TNR: variants seen among roughly 807,000 people sequenced by gnomAD.
TNR encodes the protein tenascin-R.
In TNR, 45 loss-of-function variants were observed where a neutral mutation model predicts 150.4. The observed-to-expected ratio is 0.30, with a 90% CI of 0.24 to 0.38. The LOEUF (loss-of-function observed/expected upper bound fraction) is 0.38. TNR is among the 10% of genes least tolerant of loss of function. TNR has a pLI of 1.00. For synonymous variants in TNR, 687 were observed against 678.4 expected, an observed-to-expected ratio of 1.01 and a Z score of -0.20; for missense variants, 1,544 against 1,759.1, an observed-to-expected ratio of 0.88 and a Z score of 2.19.
intron 2 of TNR, among the ~76,000 whole-genome samples, chr1:175,435,854 A>G (rs1655485356): frequency 6.6e-6 from 1 of 152,068 alleles, no homozygotes; most frequent in African/African-American, 2.4e-5. Context: ...ATCTCTGAGC[A>G]TTTGCTTGTC....
intron 1 of TNR, among the ~76,000 whole-genome samples, chr1:175,662,843 G>A (rs900271753): frequency 3.9e-5 from 6 of 152,178 alleles, no homozygotes; most frequent in African/African-American, 1.2e-4. Context: ...TGTTTGGGGT[G>A]GAGGTCATGT....
chr1:175,549,894 C>T lies in TNR; in HGVS notation c.-164-21525G>A, dbSNP rs535416594. 5.9e-5 allele frequency among the ~76,000 whole-genome samples: 9 copies of T among 152,316 alleles called. No homozygotes were observed. In the South Asian group the frequency reaches 1.9e-3, roughly 32 times the overall value. ...CATGATCCCAGTCTGAGAACCTGAG[C>T]TAAGTACCCAGCTAAAACACCCTGG... On this transcript the variant is annotated intron_variant, in intron 1 of 22. Coordinates refer to ENST00000367674, the MANE Select transcript of TNR (RefSeq NM_003285.3).
intron 2 of TNR, among the ~76,000 whole-genome samples, chr1:175,418,525 C>T (rs1654608759): frequency 6.6e-6 from 1 of 152,128 alleles, no homozygotes; most frequent in Admixed American, 6.5e-5. Context: ...AGATTGAGAC[C>T]ATTCTGGCCA....
rs552145868 is a variant in TNR at position 175,533,777 on chromosome 1, T to C, written c.-164-5408A>G. On this transcript the variant is annotated intron_variant, in intron 1 of 22. Coordinates refer to ENST00000367674, the MANE Select transcript of TNR (RefSeq NM_003285.3). ...AAATGAACAGGCTGCCCTTTCCACA[T>C]TGTTTTATTAAAAATATTTTGAAAT... Among the ~76,000 whole-genome samples the C allele has an allele frequency of 2.6e-5, 4 of 152,282 alleles. No homozygotes were observed. The East Asian group carries it at 7.7e-4, about 29-fold the overall frequency.
chr1:175,676,188 C>T (rs1447342246), intron 1 of TNR, among the ~76,000 whole-genome samples: 3 of 152,110 alleles, frequency 2.0e-5, no homozygotes, highest in Non-Finnish European at 4.4e-5. Flanking sequence ...TTTCCAGGCA[C>T]TTGATATCTC....
chr1:175,333,623 T>C (rs115719312), intron 20 of TNR, among the ~76,000 whole-genome samples: 2,696 of 152,336 alleles, frequency 0.018, 45 homozygotes, highest in Non-Finnish European at 0.028. Flanking sequence ...AGGTACCTAC[T>C]ATCTCTCAGG....
At chr1:175,445,497 A>G (rs1412748913) in intron 2 of TNR, among the ~76,000 whole-genome samples, 1 of 152,216 alleles carries the variant, frequency 6.6e-6, no homozygotes, top group African/African-American at 2.4e-5. Context: ...AATTCAACAC[A>G]AAAAGTGTTG....
chr1:175,688,285 G>T (rs1232994881), intron 1 of TNR, among the ~76,000 whole-genome samples: 2 of 152,182 alleles, frequency 1.3e-5, no homozygotes, highest in Non-Finnish European at 2.9e-5. Context: ...TTCTCATTAG[G>T]GTTGCAGACT....
chr1:175,379,495 G>C, intron 9 of TNR, 57 bp downstream of exon 9: 1 of 1,508,130 alleles, frequency 6.6e-7, no homozygotes, highest in Non-Finnish European at 9.1e-7. Flanking sequence ...TGGGGAGACA[G>C]CTGTGAGGGT....
chr1:175,345,599 C>T (rs891931958), intron 18 of TNR, among the ~76,000 whole-genome samples: 1 of 151,924 alleles, frequency 6.6e-6, no homozygotes, highest in Admixed American at 6.6e-5. Context: ...AAAGAGTAAG[C>T]AAGTGAGTTG....
At chr1:175,655,319 T>G (rs1665138603) in intron 1 of TNR, among the ~76,000 whole-genome samples, 1 of 152,232 alleles carries the variant, frequency 6.6e-6, no homozygotes, top group South Asian at 2.1e-4. Context: ...GACTCCATAA[T>G]TTTTCCTATT....
At chr1:175,570,027 T>C (rs987166856) in intron 1 of TNR, among the ~76,000 whole-genome samples, 1 of 152,182 alleles carries the variant, frequency 6.6e-6, no homozygotes, top group African/African-American at 2.4e-5. Flanking sequence ...CACTCCTCCT[T>C]CACATACAAT....
intron 2 of TNR, among the ~76,000 whole-genome samples, chr1:175,476,063 T>C (rs1203234431): frequency 6.6e-6 from 1 of 152,204 alleles, no homozygotes; most frequent in African/African-American, 2.4e-5. Context: ...GGGAATATGA[T>C]GTTGTCCAGT....
intron 1 of TNR, among the ~76,000 whole-genome samples, chr1:175,653,023 A>G (rs1195148729): frequency 6.6e-6 from 1 of 152,226 alleles, no homozygotes; most frequent in African/African-American, 2.4e-5. Flanking sequence ...AACATCTTAA[A>G]GTCCGACACC....
intron 1 of TNR, among the ~76,000 whole-genome samples, chr1:175,590,691 A>C (rs1169395613): frequency 6.6e-6 from 1 of 152,258 alleles, no homozygotes; most frequent in Admixed American, 6.5e-5. Flanking sequence ...TCTAGGCCAA[A>C]GGACAGCGTG....
chr1:175,481,019 T>C (rs1007401513), intron 2 of TNR, among the ~76,000 whole-genome samples: 4 of 152,340 alleles, frequency 2.6e-5, no homozygotes, highest in African/African-American at 9.6e-5. Flanking sequence ...TCTGTAACTT[T>C]GAACTGAAAA....
At chr1:175,686,489 T>A (rs1666204720) in intron 1 of TNR, among the ~76,000 whole-genome samples, 1 of 152,216 alleles carries the variant, frequency 6.6e-6, no homozygotes, top group Admixed American at 6.5e-5. Flanking sequence ...GGGATTCTTA[T>A]TTTATTTTAT....
At chr1:175,342,695 T>G (rs2101996132) in intron 18 of TNR, among the ~76,000 whole-genome samples, 1 of 152,224 alleles carries the variant, frequency 6.6e-6, no homozygotes, top group Non-Finnish European at 1.5e-5. Flanking sequence ...AGTGGAGAAT[T>G]AACTGAACAA....
In TNR at chr1:175,430,810, T is replaced by C. The variant is rs546480420; in HGVS notation, c.-63-24033A>G. Among the ~76,000 whole-genome samples, 25 of 152,354 alleles carry C rather than the reference T, an allele frequency of 1.6e-4. No homozygotes were observed. In the East Asian group the frequency reaches 4.8e-3, roughly 29 times the overall value. ...AGATAAAACTTGTTTTGATCTACCA[T>C]ATAGACAAGAGGGCTCAGGGAAACA... On this transcript the variant is annotated intron_variant, in intron 2 of 22. Transcript: ENST00000367674.
Sources: allele counts gnomAD v4.1 joint callset (sites outside exome capture counted in the v4.1 genomes callset), GRCh38; gene constraint gnomAD v4.1.1; transcripts MANE v1.5; gene names NCBI Gene and HGNC (gene_info 2026-07-23, HGNC 2026-07-21).